The following RHOBTB3 variants were observed in gnomAD, a reference collection of about 807,000 sequenced individuals.
RHOBTB3 encodes Rho related BTB domain containing 3.
In RHOBTB3, 47 loss-of-function variants were observed where a neutral mutation model predicts 67.2. That is an observed-to-expected ratio of 0.70 (90% CI 0.55 to 0.89). The LOEUF (loss-of-function observed/expected upper bound fraction) is 0.89. Ranked by LOEUF, RHOBTB3 falls within the 40% of genes least tolerant of loss-of-function variation. RHOBTB3 has a pLI of 0.00. For synonymous variants in RHOBTB3, 273 were observed against 274.2 expected (o/e 1.00, Z 0.04); for missense variants, 631 against 750.0 (o/e 0.84, Z 1.85).
In RHOBTB3 at chr5:95,796,249, A is replaced by C. The variant is rs1396429313; in HGVS notation, c.*3075A>C. 6.6e-6 allele frequency: 1 copy of C among 152,244 alleles called. No individual in the cohort carries two copies. Among genetic ancestry groups the C allele is most frequent in the African/African-American group, 2.4e-5 (1 of 41,462 alleles). The allele number at this position is 152,244 out of a possible 1,614,324, so 9.4% of individuals were successfully genotyped here. ...AAAGCATCTGTTTAATTCAACCTTT[A>C]ATAATTTTGCAAAGAAGGGTATGTG... On this transcript the variant is annotated 3_prime_UTR_variant, in exon 12 of 12. Transcript: ENST00000379982.
upstream of RHOBTB3, among the ~76,000 whole-genome samples, chr5:95,727,651 T>G (rs1755097952): frequency 6.6e-6 from 1 of 152,176 alleles, no homozygotes; most frequent in South Asian, 2.1e-4. Flanking sequence ...ATAAAATTTT[T>G]TAAATGTGCT....
At chr5:95,767,472 G>A (rs975241544) in intron 7 of RHOBTB3, among the ~76,000 whole-genome samples, 1 of 151,962 alleles carries the variant, frequency 6.6e-6, no homozygotes, top group African/African-American at 2.4e-5. Context: ...CAAGTAGCTG[G>A]TATTACAGGC....
rs1201713548 is a variant in RHOBTB3 at position 95,768,081 on chromosome 5, C to T, written c.1197C>T (p.Ala399=). The T allele has an allele frequency of 6.2e-7, 1 of 1,612,878 alleles. No individual in the cohort carries two copies. The highest frequency in any genetic ancestry group is 8.5e-7 in the Non-Finnish European group (1 of 1,179,068). ...TAAGGAATTGCAAAACCTATCAAGC[C>T]AGAAAACCTTTGTGGTTTTATAACA... ...NCLRNCKTYQ[A]RKPLWFYNTS... The change falls in exon 8 of 12, where the codon GCC becomes GCT. Residue 399 remains alanine, a synonymous_variant. Transcript: ENST00000379982.
intron 5 of RHOBTB3, among the ~76,000 whole-genome samples, chr5:95,754,720 TC>T (rs1366375318): frequency 1.3e-5 from 2 of 152,222 alleles, no homozygotes; most frequent in Non-Finnish European, 2.9e-5. Context: ...AAGGTTATAT[TC>T]TCTTTTAGAA....
At chr5:95,791,085 G>T (rs905093687) in intron 11 of RHOBTB3, among the ~76,000 whole-genome samples, 1 of 151,984 alleles carries the variant, frequency 6.6e-6, no homozygotes, top group Non-Finnish European at 1.5e-5. Flanking sequence ...TTCTTGTCAC[G>T]GTCACTCTAC....
At chr5:95,772,071 G>A (rs1745731179) in intron 8 of RHOBTB3, among the ~76,000 whole-genome samples, 1 of 152,184 alleles carries the variant, frequency 6.6e-6, no homozygotes. Context: ...TCCTGGCACT[G>A]GGGTCACCTG....
intron 8 of RHOBTB3, among the ~76,000 whole-genome samples, chr5:95,777,492 T>C (rs1580424308): frequency 6.6e-6 from 1 of 152,338 alleles, no homozygotes; most frequent in East Asian, 1.9e-4. Context: ...AAAGAAAAGA[T>C]AGTTTGGCCT....
intron 7 of RHOBTB3, among the ~76,000 whole-genome samples, chr5:95,765,929 T>C (rs1430521090): frequency 6.6e-6 from 1 of 152,168 alleles, no homozygotes; most frequent in Non-Finnish European, 1.5e-5. Flanking sequence ...CCCAAAGTGC[T>C]GGGATTACAG....
At chr5:95,748,967 C>T (rs1343948977) in intron 4 of RHOBTB3, among the ~76,000 whole-genome samples, 1 of 152,184 alleles carries the variant, frequency 6.6e-6, no homozygotes, top group East Asian at 1.9e-4. Flanking sequence ...AGAGGAACTA[C>T]TTATATAAAT....
intron 10 of RHOBTB3, among the ~76,000 whole-genome samples, chr5:95,784,747 A>G (rs1178256082): frequency 6.6e-6 from 1 of 152,204 alleles, no homozygotes; most frequent in South Asian, 2.1e-4. Flanking sequence ...CTCACAGTCA[A>G]AAACCTGCCA....
At position 95,795,910 on chromosome 5, in the gene RHOBTB3, CTA is replaced by C. The variant is rs1287128325; in HGVS notation, c.*2738_*2739del. ...AGTCATTTTAATTAGAGAAGATACTCTATGGTAGAACTAAGGCCTTTCCTTTC... is the reference window on the plus strand; with the variant it reads ...AGTCATTTTAATTAGAGAAGATACTCTGGTAGAACTAAGGCCTTTCCTTTC... On this transcript the variant is annotated 3_prime_UTR_variant, in exon 12 of 12. Transcript: ENST00000379982. 3 of 152,080 alleles carry C rather than the reference CTA, an allele frequency of 2.0e-5. No homozygotes were observed. The highest frequency in any genetic ancestry group is 1.3e-4 in the Admixed American group (2 of 15,256). The allele number at this position is 152,080 out of a possible 1,614,324, so 9.4% of individuals were successfully genotyped here.
At position 95,732,023 on chromosome 5, in the gene RHOBTB3, C is replaced by A; in HGVS notation, c.167C>A (p.Thr56Asn). The change falls in exon 2 of 12, where the codon ACC becomes AAC. Residue 56 changes from threonine to asparagine, a missense_variant. Physicochemically the swap from Thr to Asn is moderately conservative, Grantham distance 65. Transcript: ENST00000379982. The stretch of plus-strand genomic sequence containing the variant: ...AGCACGGTCGCGCGTCCGGTGTTCA[C>A]CGAGTATCAGGCCAGTGCGTTTGGG... ...AASTVARPVF[T>N]EYQASAFGNV... The A allele has an allele frequency of 3.1e-6, 5 of 1,614,194 alleles. No individual in the cohort carries two copies. Among genetic ancestry groups the A allele is most frequent in the Non-Finnish European group, 4.2e-6 (5 of 1,180,040 alleles).
intron 5 of RHOBTB3, 56 bp downstream of exon 5, chr5:95,752,406 C>A: frequency 8.8e-7 from 1 of 1,133,792 alleles, no homozygotes; most frequent in Non-Finnish European, 1.3e-6. Context: ...CAGATCCTTT[C>A]TCACAGGTCT....
chr5:95,763,829 T>TGTGTGA (rs1324728108), intron 7 of RHOBTB3, among the ~76,000 whole-genome samples: 19 of 151,850 alleles, frequency 1.3e-4, no homozygotes, highest in South Asian at 6.2e-4. Flanking sequence ...TGTGTGTGTG[T>TGTGTGA]GAGACAGAGA....
intron 3 of RHOBTB3, among the ~76,000 whole-genome samples, chr5:95,743,104 ACT>A (rs1158939830): frequency 2.0e-5 from 3 of 151,916 alleles, no homozygotes; most frequent in Non-Finnish European, 4.4e-5. Flanking sequence ...AATAAAAAAA[ACT>A]CTCAGGATAA....
At chr5:95,744,300 T>A (rs1222987646) in intron 3 of RHOBTB3, among the ~76,000 whole-genome samples, 2 of 152,220 alleles carry the variant, frequency 1.3e-5, no homozygotes, top group Non-Finnish European at 2.9e-5. Flanking sequence ...ATCTTTTAAA[T>A]CATTACACTT....
intron 3 of RHOBTB3, among the ~76,000 whole-genome samples, chr5:95,745,633 C>T (rs1744873537): frequency 6.6e-6 from 1 of 151,890 alleles, no homozygotes; most frequent in South Asian, 2.1e-4. Flanking sequence ...GTCAGAGTTA[C>T]ATTGTGCTTG....
intron 7 of RHOBTB3, among the ~76,000 whole-genome samples, chr5:95,764,160 C>A (rs1745477072): frequency 6.6e-6 from 1 of 152,166 alleles, no homozygotes; most frequent in Non-Finnish European, 1.5e-5. Flanking sequence ...TGAGTCATGT[C>A]TTTAAAATGC....
chr5:95,755,307 T>C, intron 5 of RHOBTB3, 89 bp from the exon 6 acceptor site: 2 of 936,140 alleles, frequency 2.1e-6, no homozygotes, highest in Non-Finnish European at 2.9e-6. Context: ...TTTTAAAATA[T>C]TATACAATTA....
Sources: gnomAD v4.1 joint callset for allele counts (sites outside exome capture counted in the v4.1 genomes callset) on GRCh38, gnomAD v4.1.1 for gene constraint, MANE v1.5 for transcripts, NCBI Gene and HGNC (gene_info 2026-07-23, HGNC 2026-07-21) for gene names.